ROBO1: variants seen among roughly 807,000 people sequenced by gnomAD.
The protein encoded by ROBO1 is roundabout homolog 1.
In ROBO1, 149 loss-of-function variants were observed where a neutral mutation model predicts 195.9. That is an observed-to-expected ratio of 0.76 (90% CI 0.67 to 0.87). ROBO1 has a LOEUF of 0.87. ROBO1 is among the 40% of genes least tolerant of loss of function. ROBO1 has a pLI of 0.00. For synonymous variants in ROBO1, 816 were observed against 733.2 expected, an observed-to-expected ratio of 1.11 and a Z score of -1.82; for missense variants, 1,933 against 2,068.3, an observed-to-expected ratio of 0.93 and a Z score of 1.27.
chr3:79,641,097 G>A (rs1945645728), intron 1 of ROBO1, among the ~76,000 whole-genome samples: 1 of 152,056 alleles, frequency 6.6e-6, no homozygotes, highest in South Asian at 2.1e-4. Context: ...AAGGAACAAA[G>A]GAGTAGCAAA....
intron 4 of ROBO1, among the ~76,000 whole-genome samples, chr3:78,827,963 A>G (rs1199164024): frequency 1.3e-5 from 2 of 152,222 alleles, no homozygotes; most frequent in Non-Finnish European, 2.9e-5. Flanking sequence ...ATAGCCGAGT[A>G]GACACATAAT....
intron 3 of ROBO1, among the ~76,000 whole-genome samples, chr3:79,091,713 C>T (rs1316210737): frequency 6.6e-6 from 1 of 152,014 alleles, no homozygotes; most frequent in Non-Finnish European, 1.5e-5. Flanking sequence ...TCGGCTAAGA[C>T]CTGGCAAACT....
intron 2 of ROBO1, among the ~76,000 whole-genome samples, chr3:79,387,641 T>C (rs1007184871): frequency 3.3e-5 from 5 of 151,986 alleles, no homozygotes; most frequent in African/African-American, 9.7e-5. Flanking sequence ...AGTGCAAGGA[T>C]ACATTTACAT....
chr3:78,956,017 C>A, intron 3 of ROBO1, among the ~76,000 whole-genome samples: 1 of 152,064 alleles, frequency 6.6e-6, no homozygotes, highest in Non-Finnish European at 1.5e-5. Context: ...CTAAGGGCAC[C>A]CCAGTAAGAT....
intron 4 of ROBO1, among the ~76,000 whole-genome samples, chr3:78,937,054 T>C (rs2039851889): frequency 6.6e-6 from 1 of 152,086 alleles, no homozygotes; most frequent in Non-Finnish European, 1.5e-5. Context: ...ATAGCTAGTT[T>C]TAACACAGTT....
intron 2 of ROBO1, among the ~76,000 whole-genome samples, chr3:79,415,495 A>C (rs1351439549): frequency 6.6e-6 from 1 of 152,244 alleles, no homozygotes; most frequent in Non-Finnish European, 1.5e-5. Context: ...GTAGTCAGAC[A>C]GGAAGCTTAC....
chr3:79,515,795 A>G (rs967230834), intron 2 of ROBO1, among the ~76,000 whole-genome samples: 2 of 152,198 alleles, frequency 1.3e-5, no homozygotes, highest in African/African-American at 4.8e-5. Context: ...GAATCATAAA[A>G]TGTTCATGCA....
intron 3 of ROBO1, among the ~76,000 whole-genome samples, chr3:79,075,181 C>T (rs1450499342): frequency 6.6e-6 from 1 of 151,742 alleles, no homozygotes; most frequent in African/African-American, 2.4e-5. Flanking sequence ...TTCTTAATAT[C>T]ACCATCATGC....
At chr3:78,776,783 G>A (rs376292109) in intron 4 of ROBO1, among the ~76,000 whole-genome samples, 41 of 152,150 alleles carry the variant, frequency 2.7e-4, no homozygotes, top group African/African-American at 9.2e-4. Flanking sequence ...CATTTACTTA[G>A]TATCTGGCTT....
chr3:79,639,031 G>T (rs1177626483), intron 1 of ROBO1, among the ~76,000 whole-genome samples: 3 of 152,196 alleles, frequency 2.0e-5, no homozygotes, highest in Non-Finnish European at 2.9e-5. Flanking sequence ...AACTGGAAAA[G>T]AATATAAATA....
At chr3:78,947,969 C>A (rs2040547595) in intron 3 of ROBO1, among the ~76,000 whole-genome samples, 2 of 152,060 alleles carry the variant, frequency 1.3e-5, no homozygotes, top group Non-Finnish European at 2.9e-5. Context: ...CAAGACTAAA[C>A]CAGGAAGAAG....
At chr3:79,068,593 A>G (rs557800939) in intron 3 of ROBO1, among the ~76,000 whole-genome samples, 14 of 151,946 alleles carry the variant, frequency 9.2e-5, no homozygotes, top group Middle Eastern at 3.4e-3. Context: ...TCTATTCCCC[A>G]TTCCATAATC....
chr3:79,443,654 C>G lies in ROBO1; in HGVS notation c.88+146170G>C, dbSNP rs543043917. On this transcript the variant is annotated intron_variant, in intron 2 of 30. Transcript: ENST00000464233. ...TTCAATACAATATCAATGAAAACCCCGTAAGTTTTCCATTAAACTTGACAA... is the reference window on the plus strand; with the variant it reads ...TTCAATACAATATCAATGAAAACCCGGTAAGTTTTCCATTAAACTTGACAA... Among the ~76,000 whole-genome samples, 19 of 151,970 alleles carry G rather than the reference C, an allele frequency of 1.3e-4. 1 individual carries two copies. Among genetic ancestry groups the G allele is most frequent in the Admixed American group, 6.6e-5 (1 of 15,246 alleles).
At chr3:79,216,971 C>T (rs1265931391) in intron 2 of ROBO1, among the ~76,000 whole-genome samples, 2 of 151,976 alleles carry the variant, frequency 1.3e-5, no homozygotes, top group African/African-American at 4.8e-5. Context: ...CAATGCTAAC[C>T]ACATTAACCA....
At chr3:79,647,295 T>C (rs1292968718) in intron 1 of ROBO1, among the ~76,000 whole-genome samples, 1 of 152,110 alleles carries the variant, frequency 6.6e-6, no homozygotes, top group Non-Finnish European at 1.5e-5. Flanking sequence ...AAAGCTCTCA[T>C]GCTACAAAAA....
At chr3:79,296,272 T>C (rs539520072) in intron 2 of ROBO1, among the ~76,000 whole-genome samples, 1 of 152,192 alleles carries the variant, frequency 6.6e-6, no homozygotes, top group African/African-American at 2.4e-5. Context: ...AACTCAATAA[T>C]GCATTAATAC....
At chr3:79,310,955 C>T (rs2033457961) in intron 2 of ROBO1, among the ~76,000 whole-genome samples, 1 of 152,160 alleles carries the variant, frequency 6.6e-6, no homozygotes, top group South Asian at 2.1e-4. Flanking sequence ...GGTTTTCTCT[C>T]TTTGCCATTC....
In ROBO1 at chr3:78,618,006, G is replaced by A. The variant is rs768272871; in HGVS notation, c.3911C>T (p.Pro1304Leu). 6 of 1,613,564 alleles carry A rather than the reference G, an allele frequency of 3.7e-6. No individual in the cohort carries two copies. Among genetic ancestry groups the A allele is most frequent in the South Asian group, 3.3e-5 (3 of 91,042 alleles). ...GCCATAGGTATGTGGAGGGGAGATC[G>A]GCCGTGGTGGTGGAGGAGGACTCAC... ...QPVSPPPPPRPISPPHTYGYI... is the reference protein window; with the variant it reads ...QPVSPPPPPRLISPPHTYGYI... The change falls in exon 27 of 31, where the codon CCG becomes CTG. Residue 1304 changes from proline (P) to leucine (L), a missense_variant. By Grantham distance (98) the Pro-to-Leu change is moderately conservative (BLOSUM62 -3). Transcript: ENST00000464233.
chr3:78,824,088 G>T (rs2031330522), intron 4 of ROBO1, among the ~76,000 whole-genome samples: 1 of 152,102 alleles, frequency 6.6e-6, no homozygotes, highest in South Asian at 2.1e-4. Flanking sequence ...GGAATTATTT[G>T]TTTTTATTTC....
Sources: allele counts gnomAD v4.1 joint callset (sites outside exome capture counted in the v4.1 genomes callset), GRCh38; gene constraint gnomAD v4.1.1; transcripts MANE v1.5; gene names NCBI Gene and HGNC (gene_info 2026-07-23, HGNC 2026-07-21).